The following SYNPO2 variants were observed in gnomAD, a reference collection of about 807,000 sequenced individuals.
SYNPO2 encodes the protein synaptopodin-2.
Under a neutral mutation model 85.0 loss-of-function variants are expected in SYNPO2, and 56 were observed. The ratio of observed to expected loss-of-function variants is 0.66; its 90% CI spans 0.53 to 0.82. The LOEUF is 0.82. Ranked by LOEUF, SYNPO2 falls within the 40% of genes least tolerant of loss-of-function variation. The probability of loss-of-function intolerance (pLI) is 0.00; values close to 1 mark genes in which losing one functional copy is unlikely to be tolerated. For missense variants in SYNPO2, 1,575 were observed against 1,534.2 expected, an observed-to-expected ratio of 1.03 and a Z score of -0.44; for synonymous variants, 602 against 591.1, an observed-to-expected ratio of 1.02 and a Z score of -0.27.
chr4:118,896,633 TC>T (rs1732559283), intron 1 of SYNPO2, among the ~76,000 whole-genome samples: 1 of 152,196 alleles, frequency 6.6e-6, no homozygotes, highest in South Asian at 2.1e-4. Flanking sequence ...TTCTAAATCG[TC>T]TATCATTCTT....
chr4:118,960,865 C>T (rs1365761124), intron 1 of SYNPO2, among the ~76,000 whole-genome samples: 1 of 152,060 alleles, frequency 6.6e-6, no homozygotes, highest in East Asian at 1.9e-4. Context: ...CTAGATGAAT[C>T]CTCTTGGCTA....
intron 1 of SYNPO2, among the ~76,000 whole-genome samples, chr4:118,853,997 T>TA (rs1194424084): frequency 1.3e-5 from 2 of 152,260 alleles, no homozygotes; most frequent in East Asian, 3.9e-4. Flanking sequence ...AATGCTTTTT[T>TA]AAAAAAATGC....
At chr4:118,889,950 G>A (rs1732307029) in intron 1 of SYNPO2, among the ~76,000 whole-genome samples, 1 of 152,096 alleles carries the variant, frequency 6.6e-6, no homozygotes, top group African/African-American at 2.4e-5. Context: ...ACAAAACTAA[G>A]CAAACTTTTA....
At chr4:118,972,002 G>C (rs1388283545) in intron 1 of SYNPO2, among the ~76,000 whole-genome samples, 2 of 152,200 alleles carry the variant, frequency 1.3e-5, no homozygotes, top group Non-Finnish European at 2.9e-5. Flanking sequence ...CTCTACAGTG[G>C]TCTTGAACAG....
chr4:118,880,026 T>A (rs1213172516), intron 1 of SYNPO2, among the ~76,000 whole-genome samples: 2 of 152,096 alleles, frequency 1.3e-5, no homozygotes, highest in Non-Finnish European at 2.9e-5. Context: ...TTCCTCTCCC[T>A]CTGAGACCCC....
intron 1 of SYNPO2, among the ~76,000 whole-genome samples, chr4:118,927,697 G>GAGATAGAT (rs70944821): frequency 0.013 from 1,587 of 124,972 alleles, 36 homozygotes; most frequent in East Asian, 0.02. Flanking sequence ...ATTAAACAAT[G>GAGATAGAT]AGATAGATAG....
At chr4:118,986,517 A>C (rs1736225038) in intron 1 of SYNPO2, among the ~76,000 whole-genome samples, 2 of 152,222 alleles carry the variant, frequency 1.3e-5, no homozygotes, top group Admixed American at 1.3e-4. Flanking sequence ...CTCGACCTTC[A>C]TCTCAATTGG....
At chr4:119,047,334 C>T (rs1045657010) in intron 4 of SYNPO2, among the ~76,000 whole-genome samples, 5 of 152,242 alleles carry the variant, frequency 3.3e-5, no homozygotes, top group Admixed American at 2.6e-4. Flanking sequence ...GCTGGGATTA[C>T]AGGCGTAAGC....
rs1180114757 is a variant in SYNPO2 at position 119,027,165 on chromosome 4, A to G, written c.796A>G (p.Arg266Gly). 6.2e-7 allele frequency: 1 copy of G among 1,614,190 alleles called. No individual in the cohort carries two copies. Among genetic ancestry groups the G allele is most frequent in the Non-Finnish European group, 8.5e-7 (1 of 1,180,036 alleles). ...SSKIIQISSGRELRVIQESEA... is the reference protein window; with the variant it reads ...SSKIIQISSGGELRVIQESEA... Reference sequence around the variant, plus strand: ...CAAGATAATCCAGATCTCCAGTGGCAGAGAGTTGAGAGTGATCCAGGAAAG... The same window carrying G: ...CAAGATAATCCAGATCTCCAGTGGCGGAGAGTTGAGAGTGATCCAGGAAAG... Residue 266 changes from arginine to glycine, a missense_variant, in exon 3 of 5, where the codon AGA becomes GGA. Coordinates refer to ENST00000307142, the MANE Select transcript of SYNPO2 (RefSeq NM_133477.3).
At chr4:118,857,800 A>G (rs1047411534) in intron 1 of SYNPO2, among the ~76,000 whole-genome samples, 2 of 152,224 alleles carry the variant, frequency 1.3e-5, no homozygotes, top group Non-Finnish European at 2.9e-5. Context: ...GACCATTTAG[A>G]TACATTTAAA....
chr4:118,862,536 G>C (rs182250082), intron 1 of SYNPO2, among the ~76,000 whole-genome samples: 6 of 152,254 alleles, frequency 3.9e-5, no homozygotes, highest in Non-Finnish European at 8.8e-5. Context: ...TTATCATGAA[G>C]GGATGTTGAA....
intron 1 of SYNPO2, among the ~76,000 whole-genome samples, chr4:118,892,244 T>G (rs1244315477): frequency 6.6e-6 from 1 of 152,174 alleles, no homozygotes; most frequent in Non-Finnish European, 1.5e-5. Flanking sequence ...CACGAAAATC[T>G]GTTTTGTTTT....
chr4:119,026,778 A>G lies in SYNPO2; in HGVS notation c.409A>G (p.Lys137Glu). The G allele has an allele frequency of 6.2e-7, 1 of 1,613,156 alleles. No homozygotes were observed. The highest frequency in any genetic ancestry group is 2.2e-5 in the East Asian group (1 of 44,798). The change falls in exon 3 of 5, where the codon AAG becomes GAG. Residue 137 changes from lysine to glutamate, a missense_variant. This residue lies in a region of SYNPO2 where 1,508 missense variants were observed against 1,446.8 expected (regional missense o/e 1.04). Coordinates refer to ENST00000307142, the MANE Select transcript of SYNPO2 (RefSeq NM_133477.3). ...QCTEFFLAPVKTEVPLAENQR... is the reference protein window; with the variant it reads ...QCTEFFLAPVETEVPLAENQR... ...CACAGAATTCTTCCTCGCCCCTGTC[A>G]AGACTGAAGTTCCCCTAGCTGAGAA...
chr4:118,863,477 G>C (rs991920785), intron 1 of SYNPO2, among the ~76,000 whole-genome samples: 1 of 152,040 alleles, frequency 6.6e-6, no homozygotes, highest in Non-Finnish European at 1.5e-5. Context: ...ATAATCCTTT[G>C]AATTTCTGCA....
intron 1 of SYNPO2, among the ~76,000 whole-genome samples, chr4:118,875,835 A>G (rs1731895727): frequency 6.6e-6 from 1 of 152,258 alleles, no homozygotes; most frequent in Admixed American, 6.5e-5. Flanking sequence ...GAATTGGCAC[A>G]TGATAGAAGT....
intron 1 of SYNPO2, among the ~76,000 whole-genome samples, chr4:118,934,009 A>C (rs1188201577): frequency 6.6e-6 from 1 of 152,126 alleles, no homozygotes; most frequent in East Asian, 1.9e-4. Flanking sequence ...TATAGAGACC[A>C]GTTTTTTGGA....
chr4:119,031,162 A>G lies in SYNPO2; in HGVS notation c.2387A>G (p.Asn796Ser), dbSNP rs781028904. The G allele has an allele frequency of 6.2e-6, 10 of 1,613,412 alleles. No individual in the cohort carries two copies. The highest frequency in any genetic ancestry group is 1.7e-5 in the Admixed American group (1 of 59,932). The change falls in exon 4 of 5, where the codon AAC (asparagine) becomes AGC (serine). Residue 796 changes from asparagine to serine, a missense_variant. By Grantham distance (46) the Asn-to-Ser change is conservative. Around this residue, in one of 3 missense-constraint regions of SYNPO2, gnomAD observed 1,508 missense variants for 1,446.8 expected, o/e 1.04. Transcript: ENST00000307142. The stretch of plus-strand genomic sequence containing the variant: ...CAACCTCCTGCCTTCCCCACATCCA[A>G]CCCATCAAAGGGCACCGTTGTCTCC... The part of the protein sequence containing the change: ...PTQPPAFPTS[N>S]PSKGTVVSSI...
chr4:118,870,315 T>C (rs1401901491), intron 1 of SYNPO2, among the ~76,000 whole-genome samples: 1 of 152,228 alleles, frequency 6.6e-6, no homozygotes, highest in African/African-American at 2.4e-5. Flanking sequence ...TTTGTTTCTA[T>C]CCAGAGAGGA....
chr4:118,876,251 A>G (rs1049221187), intron 1 of SYNPO2, among the ~76,000 whole-genome samples: 1 of 152,224 alleles, frequency 6.6e-6, no homozygotes, highest in Non-Finnish European at 1.5e-5. Flanking sequence ...TCTGTTCTTC[A>G]TGTTGACAAA....
Sources: gnomAD v4.1 joint callset for allele counts (sites outside exome capture counted in the v4.1 genomes callset) on GRCh38, gnomAD v4.1.1 for gene constraint, gnomAD v4.1.1 regional missense constraint, MANE v1.5 for transcripts, NCBI Gene and HGNC (gene_info 2026-07-23, HGNC 2026-07-21) for gene names.